P2RY12: variants seen among roughly 807,000 people sequenced by gnomAD.
P2RY12 encodes P2Y purinoceptor 12.
Under a neutral mutation model 4.5 loss-of-function variants are expected in P2RY12, and 3 were observed. That is an observed-to-expected ratio of 0.67 (90% CI 0.31 to 1.74). The LOEUF (loss-of-function observed/expected upper bound fraction) is 1.74, where lower values mean the gene tolerates loss of function less well. Among genes scored for constraint, P2RY12 ranks in the 40% most tolerant of loss-of-function variants. The pLI, the probability that P2RY12 is intolerant of heterozygous loss-of-function variation, is 0.09. For synonymous variants in P2RY12, 148 were observed against 154.1 expected (o/e 0.96, Z 0.29); for missense variants, 356 against 407.8 (o/e 0.87, Z 1.09).
chr3:151,367,898 T>G, intron 1 of P2RY12: 2 of 1,073,092 alleles, frequency 1.9e-6, no homozygotes, highest in Non-Finnish European at 2.7e-6. Flanking sequence ...TCAAGGTAGA[T>G]ATGGTAGAAT....
chr3:151,380,075 T>A, intron 1 of P2RY12: 1 of 1,287,710 alleles, frequency 7.8e-7, no homozygotes, highest in Non-Finnish European at 1.1e-6. Context: ...ATGCATTATT[T>A]CTAACTAGAT....
intron 1 of P2RY12, among the ~76,000 whole-genome samples, chr3:151,374,228 A>AG (rs1756541765): frequency 1.3e-5 from 2 of 152,104 alleles, no homozygotes; most frequent in South Asian, 4.1e-4. Context: ...TTGTCAAAAA[A>AG]TGATTAATTA....
intron 1 of P2RY12, chr3:151,380,109 G>A (rs775904803): frequency 5.8e-6 from 9 of 1,548,526 alleles, no homozygotes; most frequent in Non-Finnish European, 7.9e-6. Context: ...TACTTCCTTT[G>A]TAGTATGTCT....
At chr3:151,339,445 G>C (rs1289443267) in intron 2 of P2RY12, among the ~76,000 whole-genome samples, 1 of 113,534 alleles carries the variant, frequency 8.8e-6, no homozygotes, top group Non-Finnish European at 1.9e-5. Context: ...AAAAAAAAAA[G>C]CTGACCTTTT....
chr3:151,365,819 T>G, intron 1 of P2RY12: 1 of 1,574,386 alleles, frequency 6.4e-7, no homozygotes, highest in Non-Finnish European at 8.6e-7. Context: ...TTGTACAAGG[T>G]TACTTTCTGT....
intron 1 of P2RY12, among the ~76,000 whole-genome samples, chr3:151,358,845 G>A (rs940923547): frequency 2.6e-5 from 4 of 152,112 alleles, no homozygotes; most frequent in East Asian, 1.9e-4. Context: ...ACTACTATAC[G>A]ATGGATACCT....
chr3:151,357,356 G>A (rs1423840136), intron 1 of P2RY12: 4 of 1,611,518 alleles, frequency 2.5e-6, no homozygotes, highest in South Asian at 1.1e-5. Context: ...ATCCTGATCA[G>A]ACAGCCCAGG....
At chr3:151,376,676 A>G (rs955713641) in intron 1 of P2RY12, 14 of 779,232 alleles carry the variant, frequency 1.8e-5, no homozygotes, top group Non-Finnish European at 2.7e-5. Flanking sequence ...CTTTTGACTC[A>G]TATAAATTAT....
intron 1 of P2RY12, among the ~76,000 whole-genome samples, chr3:151,347,756 C>T (rs1349088113): frequency 8.5e-5 from 13 of 152,130 alleles, no homozygotes; most frequent in Non-Finnish European, 1.8e-4. Context: ...CATTATACTT[C>T]GAAGCATTTT....
At chr3:151,343,980 A>C (rs1752224235) in intron 1 of P2RY12, among the ~76,000 whole-genome samples, 1 of 152,168 alleles carries the variant, frequency 6.6e-6, no homozygotes, top group Non-Finnish European at 1.5e-5. Flanking sequence ...TGTATTTTAA[A>C]GCAGTGCATA....
chr3:151,371,053 C>G (rs1459145964), intron 1 of P2RY12, among the ~76,000 whole-genome samples: 2 of 152,240 alleles, frequency 1.3e-5, no homozygotes, highest in African/African-American at 2.4e-5. Context: ...AGGCCTGGCA[C>G]AGACTCTCAT....
chr3:151,378,254 A>C, intron 1 of P2RY12: 7 of 1,336,916 alleles, frequency 5.2e-6, no homozygotes, highest in Non-Finnish European at 6.0e-6. Context: ...CTGTGTGGTC[A>C]CTGTACCCAC....
At chr3:151,373,981 TTAAATATATG>T (rs1413314396) in intron 1 of P2RY12, among the ~76,000 whole-genome samples, 1 of 152,160 alleles carries the variant, frequency 6.6e-6, no homozygotes. Context: ...ATCCATACAC[TTAAATATATG>T]TAAATATATA....
intron 1 of P2RY12, chr3:151,357,342 T>A (rs1382873210): frequency 6.2e-7 from 1 of 1,613,358 alleles, no homozygotes; most frequent in Non-Finnish European, 8.5e-7. Context: ...TTGTCTAATC[T>A]TGAATCCTGA....
intron 1 of P2RY12, among the ~76,000 whole-genome samples, chr3:151,346,699 C>T (rs1252006281): frequency 6.6e-6 from 1 of 152,030 alleles, no homozygotes; most frequent in South Asian, 2.1e-4. Context: ...CTTATTTCTC[C>T]CCTCACCATC....
At chr3:151,382,988 A>T (rs997056892) in intron 1 of P2RY12, among the ~76,000 whole-genome samples, 19 of 152,098 alleles carry the variant, frequency 1.2e-4, no homozygotes, top group African/African-American at 4.6e-4. Context: ...CTCTACCTCT[A>T]CCCCAGTGAA....
intron 1 of P2RY12, among the ~76,000 whole-genome samples, chr3:151,351,734 T>C (rs1753260291): frequency 6.6e-6 from 1 of 152,190 alleles, no homozygotes; most frequent in Non-Finnish European, 1.5e-5. Context: ...TTTATCTAAA[T>C]TATTTTTAGA....
chr3:151,354,089 C>G (rs111980804), intron 1 of P2RY12, among the ~76,000 whole-genome samples: 2 of 135,072 alleles, frequency 1.5e-5, no homozygotes, highest in South Asian at 4.7e-4. Context: ...TGCAGTGAGC[C>G]GAGATCCCGC....
At chr3:151,368,055 A>C in intron 1 of P2RY12, 1 of 617,812 alleles carries the variant, frequency 1.6e-6, no homozygotes, top group Non-Finnish European at 2.4e-6. Context: ...AATTTATTTA[A>C]ATAATTATTC....
Sources: gnomAD v4.1 joint callset for allele counts (sites outside exome capture counted in the v4.1 genomes callset) on GRCh38, gnomAD v4.1.1 for gene constraint, MANE v1.5 for transcripts, NCBI Gene and HGNC (gene_info 2026-07-23, HGNC 2026-07-21) for gene names.